AGAP1: variants seen among roughly 807,000 people sequenced by gnomAD.
AGAP1 encodes the protein arf-GAP with GTPase, ANK repeat and PH domain-containing protein 1.
AGAP1 carries 29 observed loss-of-function variants against 105.3 expected under a neutral mutation model. The observed-to-expected ratio is 0.28, with a 90% CI of 0.21 to 0.38. AGAP1 has a LOEUF of 0.38. Ranked by LOEUF, AGAP1 falls within the 10% of genes least tolerant of loss-of-function variation. AGAP1 has a pLI of 1.00. For missense variants in AGAP1, 998 were observed against 1,165.1 expected (o/e 0.86, Z 2.09); for synonymous variants, 509 against 485.9 (o/e 1.05, Z -0.63).
Position 236,124,435 on chromosome 2 carries a change from A to C in AGAP1, c.*313A>C. On this transcript the variant is annotated 3_prime_UTR_variant, in exon 18 of 18. Transcript: ENST00000304032. This position sits in a 1 kb window ranked among gnomAD's most constrained non-coding sequence, Gnocchi z 5.1. ...CGCAGGACCCTTGTCCTGGTGGCAC[A>C]AGGGATGGGGACGCGAGGGGGAGGG... 1 of 376,824 alleles carries C rather than the reference A, an allele frequency of 2.7e-6. No individual in the cohort carries two copies. The highest frequency in any genetic ancestry group is 4.9e-6 in the Non-Finnish European group (1 of 204,136). The allele number at this position is 376,824 out of a possible 1,614,324, so 23.3% of individuals were successfully genotyped here.
At chr2:235,708,435 G>C (rs72975223) in intron 1 of AGAP1, among the ~76,000 whole-genome samples, 1 of 151,976 alleles carries the variant, frequency 6.6e-6, no homozygotes, top group African/African-American at 2.4e-5. Context: ...CATCTGTATC[G>C]GGTGGGTGCA....
intron 12 of AGAP1, among the ~76,000 whole-genome samples, chr2:235,946,093 C>T (rs946197712): frequency 7.3e-6 from 1 of 137,900 alleles, no homozygotes; most frequent in Non-Finnish European, 1.5e-5. Context: ...CCAAATTATG[C>T]ATTTTTCCCC....
intron 13 of AGAP1, among the ~76,000 whole-genome samples, chr2:235,969,306 G>A (rs142687305): frequency 4.6e-5 from 7 of 151,190 alleles, no homozygotes; most frequent in South Asian, 2.1e-4. Flanking sequence ...AAGCGCATGC[G>A]TACACACACA....
At chr2:235,820,419 C>T (rs1434228559) in intron 9 of AGAP1, among the ~76,000 whole-genome samples, 1 of 152,130 alleles carries the variant, frequency 6.6e-6, no homozygotes, top group Non-Finnish European at 1.5e-5. Context: ...AAAATAATTT[C>T]AGAAAACTGG....
At chr2:235,859,315 CTGT>C (rs890846318) in intron 9 of AGAP1, among the ~76,000 whole-genome samples, 2 of 150,614 alleles carry the variant, frequency 1.3e-5, no homozygotes, top group African/African-American at 4.9e-5. Flanking sequence ...GAACCATTCA[CTGT>C]TGTTGTGGGG....
intron 1 of AGAP1, among the ~76,000 whole-genome samples, chr2:235,512,533 G>T (rs941644276): frequency 2.6e-5 from 4 of 152,196 alleles, no homozygotes; most frequent in Admixed American, 2.0e-4. Context: ...GGTTGAGGCT[G>T]CAGTGAGCCA....
In AGAP1 at chr2:235,690,187, G is replaced by A. The variant is rs985180150; in HGVS notation, c.164-18992G>A. On this transcript the variant is annotated intron_variant, in intron 1 of 17. Coordinates refer to ENST00000304032, the MANE Select transcript of AGAP1 (RefSeq NM_001037131.3). This position sits in a 1 kb window ranked among gnomAD's most constrained non-coding sequence, Gnocchi z 4.1. ...CTCACTTGCTACCTGCTTGGAGCCA[G>A]TCCAGTGGCTTCACTTTTACCACTC... 2.0e-5 allele frequency among the ~76,000 whole-genome samples: 3 copies of A among 151,992 alleles called. No individual in the cohort carries two copies. Among genetic ancestry groups the A allele is most frequent in the African/African-American group, 7.3e-5 (3 of 41,374 alleles).
At position 235,573,006 on chromosome 2, in the gene AGAP1, CT is replaced by C. The variant is rs1351138259; in HGVS notation, c.163+78159del. Reference sequence around the variant, plus strand: ...TCTTCTTCTTCTTCTTCTTCTTCTTCTTCTTCTTCTTCTTCTTCTTCTTCTT... The same window carrying C: ...TCTTCTTCTTCTTCTTCTTCTTCTTCTCTTCTTCTTCTTCTTCTTCTTCTT... On this transcript the variant is annotated intron_variant, in intron 1 of 17. Transcript: ENST00000304032. Among the ~76,000 whole-genome samples the C allele has an allele frequency of 3.8e-3, 91 of 23,826 alleles. 7 individuals are homozygous for C. In the Middle Eastern group the frequency reaches 0.069, roughly 18 times the overall value. The allele number at this position is 23,826 out of a possible 152,430, so 15.6% of individuals were successfully genotyped here.
At chr2:235,899,124 T>C (rs2050941971) in intron 10 of AGAP1, among the ~76,000 whole-genome samples, 1 of 151,932 alleles carries the variant, frequency 6.6e-6, no homozygotes, top group Non-Finnish European at 1.5e-5. Flanking sequence ...GAAGTGGGAG[T>C]TTGTCCGTGT....
chr2:235,838,451 A>G (rs1960426434), intron 9 of AGAP1, among the ~76,000 whole-genome samples: 2 of 152,286 alleles, frequency 1.3e-5, no homozygotes, highest in South Asian at 2.1e-4. Flanking sequence ...CCTCCTTAGA[A>G]TTTTTCCCAG....
At chr2:235,745,866 G>A (rs973091925) in intron 5 of AGAP1, among the ~76,000 whole-genome samples, 6 of 152,214 alleles carry the variant, frequency 3.9e-5, no homozygotes, top group African/African-American at 9.7e-5. Context: ...GGTGGCTCAC[G>A]CCTGTAATTC....
Position 236,131,182 on chromosome 2 carries a change from C to G in AGAP1, c.*7060C>G, listed in dbSNP as rs1354688338. The G allele has an allele frequency of 1.3e-5, 2 of 152,238 alleles. No individual in the cohort carries two copies. Among genetic ancestry groups the G allele is most frequent in the African/African-American group, 4.8e-5 (2 of 41,448 alleles). 9.4% of individuals were successfully genotyped at this position (152,238 alleles called of 1,614,324 possible). On this transcript the variant is annotated 3_prime_UTR_variant, in exon 18 of 18. Transcript: ENST00000304032. This position sits in a 1 kb window ranked among gnomAD's most constrained non-coding sequence, Gnocchi z 5.9. ...TCCAGACTGCAGCCCCTCTCAGCCC[C>G]GAGCACCTGAGCGCTGGGGAGGCCC... is the stretch of plus-strand genomic sequence containing the variant.
At chr2:235,816,066 G>T (rs1229445615) in intron 9 of AGAP1, among the ~76,000 whole-genome samples, 1 of 152,214 alleles carries the variant, frequency 6.6e-6, no homozygotes, top group African/African-American at 2.4e-5. Context: ...TGGTTGCTTT[G>T]ACAGTGGCTG....
At chr2:235,990,356 G>C (rs1300501652) in intron 13 of AGAP1, among the ~76,000 whole-genome samples, 1 of 152,154 alleles carries the variant, frequency 6.6e-6, no homozygotes, top group Non-Finnish European at 1.5e-5. Context: ...TGTGGGTCAG[G>C]AATTAGAATG....
At chr2:235,679,716 T>C (rs1233165224) in intron 1 of AGAP1, among the ~76,000 whole-genome samples, 3 of 152,190 alleles carry the variant, frequency 2.0e-5, no homozygotes, top group African/African-American at 2.4e-5. Flanking sequence ...CTGTGCCTTC[T>C]CCTGGAGGGC....
In AGAP1 at chr2:235,872,102, T is replaced by C. The variant is rs182418784; in HGVS notation, c.1051-11243T>C. ...AATACTGAGAGATTGGTATTCATAC[T>C]CTTTGGAACCCAGTTAAAGGTGTCA... On this transcript the variant is annotated intron_variant, in intron 9 of 17. Transcript: ENST00000304032. This position sits in a 1 kb window ranked among gnomAD's most constrained non-coding sequence, Gnocchi z 4.5. 1.3e-5 allele frequency among the ~76,000 whole-genome samples: 2 copies of C among 152,300 alleles called. No homozygotes were observed. Among genetic ancestry groups the C allele is most frequent in the Non-Finnish European group, 2.9e-5 (2 of 68,020 alleles).
At chr2:235,939,180 G>C (rs934033922) in intron 12 of AGAP1, among the ~76,000 whole-genome samples, 1 of 152,148 alleles carries the variant, frequency 6.6e-6, no homozygotes, top group Non-Finnish European at 1.5e-5. Context: ...AGGTCCCAGC[G>C]ACTGTTTCCA....
At chr2:235,925,762 T>G (rs1044628008) in intron 11 of AGAP1, among the ~76,000 whole-genome samples, 4 of 152,166 alleles carry the variant, frequency 2.6e-5, no homozygotes, top group Non-Finnish European at 5.9e-5. Flanking sequence ...GGCCTCCACC[T>G]CGGCAGGACT....
Position 235,611,726 on chromosome 2 carries a change from A to G in AGAP1, c.164-97453A>G, listed in dbSNP as rs1946132260. Among the ~76,000 whole-genome samples, 1 of 152,234 alleles carries G rather than the reference A, an allele frequency of 6.6e-6. No homozygotes were observed. Among genetic ancestry groups the G allele is most frequent in the Non-Finnish European group, 1.5e-5 (1 of 68,040 alleles). ...CAACCTTGAGTTTCTGTTGAAATCT[A>G]GATTTGGTATAACTGTCTTCATTTC... On this transcript the variant is annotated intron_variant, in intron 1 of 17. Coordinates refer to ENST00000304032, the MANE Select transcript of AGAP1 (RefSeq NM_001037131.3). The surrounding 1 kb of genome is among the most constrained non-coding windows in gnomAD (Gnocchi z 5.0).
Sources: gnomAD v4.1 joint callset for allele counts (sites outside exome capture counted in the v4.1 genomes callset) on GRCh38, gnomAD v4.1.1 for gene constraint, Gnocchi (gnomAD v3.1) non-coding constraint, MANE v1.5 for transcripts, NCBI Gene and HGNC (gene_info 2026-07-23, HGNC 2026-07-21) for gene names.